Variants in DNAJA3 observed in about 807,000 individuals in gnomAD.
DNAJA3 encodes the protein DnaJ heat shock protein family (Hsp40) member A3.
Under a neutral mutation model 54.9 loss-of-function variants are expected in DNAJA3, and 29 were observed. That is an observed-to-expected ratio of 0.53 (90% CI 0.39 to 0.72). The LOEUF (loss-of-function observed/expected upper bound fraction) is 0.72. DNAJA3 is among the 30% of genes least tolerant of loss of function. The pLI is 0.00. For synonymous variants in DNAJA3, 302 were observed against 251.4 expected (o/e 1.20, Z -1.90); for missense variants, 708 against 639.4 (o/e 1.11, Z -1.16).
chr16:4,442,567 G>A, intron 5 of DNAJA3, 147 bp downstream of exon 5: 1 of 969,068 alleles, frequency 1.0e-6, no homozygotes, highest in South Asian at 2.2e-5. Flanking sequence ...TGACCCTGAG[G>A]AGACGAGCCT....
In DNAJA3 at chr16:4,451,594, T is replaced by G. The variant is rs186945101; in HGVS notation, c.1339+1097T>G. 1.2e-4 allele frequency among the ~76,000 whole-genome samples: 18 copies of G among 151,326 alleles called. No individual in the cohort carries two copies. In the East Asian group the frequency reaches 3.5e-3, roughly 30 times the overall value. On this transcript the variant is annotated intron_variant, in intron 10 of 11. Coordinates refer to ENST00000262375, the MANE Select transcript of DNAJA3 (RefSeq NM_005147.6). ...CAGCATGGCGAAACCCCATCCCTAC[T>G]AAAAATACAAAAATTAGCTGGGTAT...
intron 1 of DNAJA3, chr16:4,433,085 T>C (rs926143875): frequency 1.3e-5 from 2 of 152,154 alleles, no homozygotes; most frequent in Non-Finnish European, 2.9e-5. Flanking sequence ...GAGCTTGCAG[T>C]GAGCCAGGAT....
At chr16:4,434,356 G>A (rs749113378) in intron 1 of DNAJA3, 28 bp from the exon 2 acceptor site, 9 of 1,609,196 alleles carry the variant, frequency 5.6e-6, no homozygotes, top group Non-Finnish European at 7.6e-6. Context: ...CATTCCCAGA[G>A]TGATTTTCTT....
At position 4,441,852 on chromosome 16, in the gene DNAJA3, A is replaced by G. The variant is rs533318801; in HGVS notation, c.630+277A>G. Among the ~76,000 whole-genome samples the G allele has an allele frequency of 3.3e-5, 5 of 152,308 alleles. No homozygotes were observed. The South Asian group carries it at 1.0e-3, about 32-fold the overall frequency. ...GTGAGTGTTGTCTCTCATCTGCTAC[A>G]GTATTCCAGGAGAGTTCTGTCCGGT... On this transcript the variant is annotated intron_variant, in intron 4 of 11. Transcript: ENST00000262375.
At chr16:4,450,906 C>T (rs148641685) in intron 10 of DNAJA3, among the ~76,000 whole-genome samples, 1 of 152,160 alleles carries the variant, frequency 6.6e-6, no homozygotes, top group African/African-American at 2.4e-5. Context: ...TGGGACACTC[C>T]GCCAGGATTT....
chr16:4,446,881 C>T lies in DNAJA3; in HGVS notation c.997-5C>T, dbSNP rs200077748. 2 of 1,613,804 alleles carry T rather than the reference C, an allele frequency of 1.2e-6. No individual in the cohort carries two copies. Among genetic ancestry groups the T allele is most frequent in the Non-Finnish European group, 1.7e-6 (2 of 1,179,922 alleles). On this transcript the variant is annotated splice_polypyrimidine_tract_variant and splice_region_variant and intron_variant, in intron 7 of 11. Transcript: ENST00000262375. The stretch of plus-strand genomic sequence containing the variant: ...TTCACATGCATCTGTCATGTTTGGC[C>T]TTAGGTGCAGAAAAGCCCTGTGTTC...
At chr16:4,428,775 CGACTGTAATTCCAGCG>C (rs1567321399) in intron 1 of DNAJA3, among the ~76,000 whole-genome samples, 1 of 151,968 alleles carries the variant, frequency 6.6e-6, no homozygotes, top group Non-Finnish European at 1.5e-5. Flanking sequence ...GGGTGGCTCA[CGACTGTAATTCCAGCG>C]CTATGCTGGC....
At chr16:4,443,966 A>T (rs1054658169) in intron 6 of DNAJA3, among the ~76,000 whole-genome samples, 1 of 152,162 alleles carries the variant, frequency 6.6e-6, no homozygotes, top group African/African-American at 2.4e-5. Flanking sequence ...GATTATAGTC[A>T]TGAGCCACCG....
rs929798950 is a variant in DNAJA3 at position 4,430,181 on chromosome 16, G to A, written c.211+4089G>A. Among the ~76,000 whole-genome samples, 16 of 151,742 alleles carry A rather than the reference G, an allele frequency of 1.1e-4. No homozygotes were observed. The East Asian group carries it at 2.1e-3, about 20-fold the overall frequency. On this transcript the variant is annotated intron_variant, in intron 1 of 11. Transcript: ENST00000262375. ...ATTTTGAAAAGGTCATTAACTCAGC[G>A]TCCAAACACTAGTCTGTGATCTTGT...
chr16:4,454,264 T>C (rs2057010223), intron 10 of DNAJA3, among the ~76,000 whole-genome samples: 1 of 151,704 alleles, frequency 6.6e-6, no homozygotes, highest in Non-Finnish European at 1.5e-5. Context: ...TAGAGTAGGG[T>C]TTTTCTTGGC....
chr16:4,426,053 C>T lies in DNAJA3; in HGVS notation c.172C>T (p.Arg58Ter). ...FASSLTSCGP[R>*]ALLTLRPGVS... is the part of the protein sequence containing the mutation. Reference sequence around the variant, plus strand: ...GTCTTCCCTGACCTCTTGCGGCCCCCGAGCGCTGCTGACATTGAGACCTGG... The same window carrying T: ...GTCTTCCCTGACCTCTTGCGGCCCCTGAGCGCTGCTGACATTGAGACCTGG... Residue 58 changes from arginine (R) to a stop codon, truncating the protein, a stop_gained, in exon 1 of 12, where the codon CGA becomes TGA. Coordinates refer to ENST00000262375, the MANE Select transcript of DNAJA3 (RefSeq NM_005147.6). LOFTEE classifies it high-confidence loss of function. 1.9e-6 allele frequency: 3 copies of T among 1,603,570 alleles called. No homozygotes were observed. Among genetic ancestry groups the T allele is most frequent in the Non-Finnish European group, 2.6e-6 (3 of 1,175,624 alleles).
In DNAJA3 at chr16:4,442,318, G is replaced by A. The variant is rs1437310794; in HGVS notation, c.681G>A (p.Glu227=). Residue 227 remains glutamate, a synonymous_variant, in exon 5 of 12, where the codon GAG becomes GAA. Transcript: ENST00000262375. ...FNQAAKGVNK[E]FTVNIMDTCE... is the part of the protein sequence containing the mutation. ...AAGCTGCAAAGGGGGTCAACAAGGA[G>A]TTCACCGTGAACATCATGGACACGT... The A allele has an allele frequency of 1.9e-6, 3 of 1,607,658 alleles. No individual in the cohort carries two copies. The highest frequency in any genetic ancestry group is 2.5e-6 in the Non-Finnish European group (3 of 1,176,608).
At chr16:4,435,599 G>C (rs898315126) in intron 2 of DNAJA3, among the ~76,000 whole-genome samples, 4 of 152,136 alleles carry the variant, frequency 2.6e-5, no homozygotes, top group African/African-American at 9.7e-5. Flanking sequence ...CCTTTTGTGT[G>C]TCTTGGCTTC....
At position 4,425,983 on chromosome 16, in the gene DNAJA3, G is replaced by C. The variant is rs1426101027; in HGVS notation, c.102G>C (p.Val34=). The C allele has an allele frequency of 6.3e-7, 1 of 1,598,894 alleles. No individual in the cohort carries two copies. Among genetic ancestry groups the C allele is most frequent in the South Asian group, 1.1e-5 (1 of 88,904 alleles). Residue 34 remains valine (V), a synonymous_variant, in exon 1 of 12, where the codon GTG becomes GTC. Coordinates refer to ENST00000262375, the MANE Select transcript of DNAJA3 (RefSeq NM_005147.6). Reference sequence around the variant, plus strand: ...GGGCCCGGCCGCCCAGGGAGGGCGTGGTGGGGGCATGGCTGAGCCGCAAGC... The same window carrying C: ...GGGCCCGGCCGCCCAGGGAGGGCGTCGTGGGGGCATGGCTGAGCCGCAAGC... ...GRGARPPREG[V]VGAWLSRKLS...
intron 1 of DNAJA3, among the ~76,000 whole-genome samples, chr16:4,428,278 C>T (rs1456345208): frequency 6.6e-6 from 1 of 152,014 alleles, no homozygotes; most frequent in Non-Finnish European, 1.5e-5. Context: ...TGGACTCTTG[C>T]TCTGTTGCCC....
intron 5 of DNAJA3, chr16:4,442,695 G>T (rs2141383402): frequency 1.9e-6 from 1 of 519,170 alleles, no homozygotes. Flanking sequence ...CAATTGCTTT[G>T]GTAATTCAAG....
At chr16:4,428,328 C>T (rs1427421743) in intron 1 of DNAJA3, among the ~76,000 whole-genome samples, 2 of 152,156 alleles carry the variant, frequency 1.3e-5, no homozygotes, top group Non-Finnish European at 2.9e-5. Context: ...TCACTTCAGC[C>T]TCCCAAGATG....
intron 6 of DNAJA3, among the ~76,000 whole-genome samples, chr16:4,443,869 G>A (rs952449683): frequency 6.6e-6 from 1 of 151,994 alleles, no homozygotes; most frequent in Non-Finnish European, 1.5e-5. Flanking sequence ...TGTATTTTTA[G>A]TAGAGACGGG....
intron 1 of DNAJA3, among the ~76,000 whole-genome samples, chr16:4,426,351 A>G (rs975147551): frequency 2.6e-5 from 4 of 152,330 alleles, no homozygotes; most frequent in African/African-American, 7.2e-5. Flanking sequence ...CTCTCTGTCA[A>G]CATTTCTGGA....
Sources: allele counts gnomAD v4.1 joint callset (sites outside exome capture counted in the v4.1 genomes callset), GRCh38; gene constraint gnomAD v4.1.1; transcripts MANE v1.5; gene names NCBI Gene and HGNC (gene_info 2026-07-23, HGNC 2026-07-21).